The following VOPP1 variants were observed in gnomAD, a reference collection of about 807,000 sequenced individuals.
VOPP1 encodes the protein WW domain binding protein VOPP1.
Under a neutral mutation model 23.5 loss-of-function variants are expected in VOPP1, and 8 were observed. That is an observed-to-expected ratio of 0.34 (90% confidence interval 0.20 to 0.61). The LOEUF (loss-of-function observed/expected upper bound fraction) is 0.61, where lower values mean the gene tolerates loss of function less well. Ranked by LOEUF, VOPP1 falls within the 20% of genes least tolerant of loss-of-function variation. VOPP1 has a pLI of 0.78. For missense variants in VOPP1, 174 were observed against 238.1 expected, an observed-to-expected ratio of 0.73 and a Z score of 1.77; for synonymous variants, 83 against 97.3, an observed-to-expected ratio of 0.85 and a Z score of 0.86.
At chr7:55,473,424 T>C (rs10232752) in intron 4 of VOPP1, among the ~76,000 whole-genome samples, 49,656 of 152,148 alleles carry the variant, frequency 0.33, 8,602 homozygotes, top group Non-Finnish European at 0.39. Context: ...GGGCACGCCA[T>C]TGGCTGGTGA....
chr7:55,558,625 T>G (rs1367574584), intron 1 of VOPP1, among the ~76,000 whole-genome samples: 1 of 152,118 alleles, frequency 6.6e-6, no homozygotes, highest in African/African-American at 2.4e-5. Context: ...GGCATCCCTG[T>G]CCAGAGGCTA....
intron 1 of VOPP1, among the ~76,000 whole-genome samples, chr7:55,570,619 C>A (rs1798315157): frequency 2.0e-5 from 3 of 152,078 alleles, no homozygotes; most frequent in African/African-American, 7.2e-5. Flanking sequence ...ATGAAAGAAA[C>A]GCTAAATAAT....
intron 4 of VOPP1, among the ~76,000 whole-genome samples, chr7:55,451,295 C>T (rs533072668): frequency 2.0e-5 from 3 of 152,258 alleles, no homozygotes; most frequent in East Asian, 3.9e-4. Flanking sequence ...GCAAAAGAAA[C>T]GCCTGAAGTA....
chr7:55,569,718 CTA>C (rs1584140484), intron 1 of VOPP1, among the ~76,000 whole-genome samples: 1 of 152,154 alleles, frequency 6.6e-6, no homozygotes, highest in East Asian at 1.9e-4. Flanking sequence ...ATATGCAGTT[CTA>C]TGTCTAACAG....
chr7:55,521,999 C>T (rs1199464555), intron 1 of VOPP1: 1 of 716,568 alleles, frequency 1.4e-6, no homozygotes, highest in African/African-American at 1.9e-5. Flanking sequence ...GTAAATAAAA[C>T]CTTCAAAACA....
At chr7:55,554,216 C>T (rs1226048117) in intron 1 of VOPP1, among the ~76,000 whole-genome samples, 22 of 152,162 alleles carry the variant, frequency 1.4e-4, no homozygotes, top group Non-Finnish European at 8.8e-5. Flanking sequence ...ATGTGTGATG[C>T]CTGCTGCCTC....
chr7:55,440,334 C>T (rs1790932367), intron 4 of VOPP1, among the ~76,000 whole-genome samples: 1 of 152,152 alleles, frequency 6.6e-6, no homozygotes, highest in South Asian at 2.1e-4. Flanking sequence ...GTTGGCAGCT[C>T]CTGCTGAGCA....
At chr7:55,555,533 C>G (rs1208039951) in intron 1 of VOPP1, among the ~76,000 whole-genome samples, 1 of 152,202 alleles carries the variant, frequency 6.6e-6, no homozygotes, top group East Asian at 1.9e-4. Context: ...AGGACACTGC[C>G]CAGCACCTTT....
intron 4 of VOPP1, among the ~76,000 whole-genome samples, chr7:55,486,617 G>A (rs894821121): frequency 2.0e-5 from 3 of 152,192 alleles, no homozygotes; most frequent in African/African-American, 7.2e-5. Flanking sequence ...CACCAAGTAA[G>A]ACAGTTCCCA....
At chr7:55,464,909 C>A (rs1791595889) in intron 4 of VOPP1, among the ~76,000 whole-genome samples, 1 of 152,182 alleles carries the variant, frequency 6.6e-6, no homozygotes, top group African/African-American at 2.4e-5. Context: ...TCAGGGCCCA[C>A]AAGGGCTGAG....
intron 4 of VOPP1, among the ~76,000 whole-genome samples, chr7:55,490,564 G>A (rs998965870): frequency 2.0e-5 from 3 of 152,220 alleles, no homozygotes; most frequent in African/African-American, 7.2e-5. Flanking sequence ...GTGGCCTTCT[G>A]CACTGGGGGC....
chr7:55,478,228 A>G (rs962986630), intron 4 of VOPP1, among the ~76,000 whole-genome samples: 1 of 152,234 alleles, frequency 6.6e-6, no homozygotes, highest in Non-Finnish European at 1.5e-5. Flanking sequence ...ACAGATGATT[A>G]TATGGCACAT....
At chr7:55,547,187 A>G (rs1469467948) in intron 1 of VOPP1, among the ~76,000 whole-genome samples, 1 of 152,174 alleles carries the variant, frequency 6.6e-6, no homozygotes, top group Non-Finnish European at 1.5e-5. Context: ...AATGCCAGCT[A>G]ACATCCAGAT....
chr7:55,492,193 G>A, intron 4 of VOPP1, 89 bp downstream of exon 4: 2 of 1,475,566 alleles, frequency 1.4e-6, no homozygotes, highest in Non-Finnish European at 9.0e-7. Context: ...CTCTCTTCTG[G>A]CAGTACCCTT....
intron 4 of VOPP1, among the ~76,000 whole-genome samples, chr7:55,476,483 C>T (rs537161732): frequency 9.2e-5 from 14 of 151,992 alleles, no homozygotes; most frequent in Non-Finnish European, 1.8e-4. Context: ...CAAAAGAGTC[C>T]GGCAGGCCGC....
chr7:55,561,020 A>G (rs1039446439), intron 1 of VOPP1, among the ~76,000 whole-genome samples: 1 of 152,110 alleles, frequency 6.6e-6, no homozygotes, highest in African/African-American at 2.4e-5. Context: ...GGGGCCAGTC[A>G]GGGCAGCTGG....
At chr7:55,523,152 A>G (rs757197827) in intron 1 of VOPP1, among the ~76,000 whole-genome samples, 4 of 152,128 alleles carry the variant, frequency 2.6e-5, no homozygotes, top group Non-Finnish European at 4.4e-5. Context: ...CACTCTGCCC[A>G]CCTCCAGCAA....
intron 4 of VOPP1, among the ~76,000 whole-genome samples, chr7:55,436,586 TCAGA>T (rs1331147135): frequency 1.3e-5 from 2 of 149,800 alleles, no homozygotes; most frequent in Non-Finnish European, 3.0e-5. Context: ...CCCTGGGCTT[TCAGA>T]CAATTGTGCA....
chr7:55,462,071 ATTACTC>A (rs1279713025), intron 4 of VOPP1, among the ~76,000 whole-genome samples: 2 of 152,122 alleles, frequency 1.3e-5, no homozygotes, highest in Non-Finnish European at 2.9e-5. Context: ...GAAAGACTTT[ATTACTC>A]TTTAATTTTT....
Sources: gnomAD v4.1 joint callset for allele counts (sites outside exome capture counted in the v4.1 genomes callset) on GRCh38, gnomAD v4.1.1 for gene constraint, MANE v1.5 for transcripts, NCBI Gene and HGNC (gene_info 2026-07-23, HGNC 2026-07-21) for gene names.